The following UNC80 variants were observed in gnomAD, a reference collection of about 807,000 sequenced individuals.
The protein encoded by UNC80 is protein unc-80 homolog.
Under a neutral mutation model 384.6 loss-of-function variants are expected in UNC80, and 164 were observed. The observed-to-expected ratio is 0.43, with a 90% CI of 0.38 to 0.49. The LOEUF (loss-of-function observed/expected upper bound fraction) is 0.49, where lower values mean the gene tolerates loss of function less well. Among genes scored for constraint, UNC80 ranks in the 20% least tolerant of loss-of-function variants. The pLI is 0.00. For synonymous variants in UNC80, 1,486 were observed against 1,527.8 expected, an observed-to-expected ratio of 0.97 and a Z score of 0.64; for missense variants, 3,330 against 4,143.0, an observed-to-expected ratio of 0.80 and a Z score of 5.39.
Position 209,976,692 on chromosome 2 carries a change from A to T in UNC80, c.8773-221A>T, listed in dbSNP as rs1223066855. On this transcript the variant is annotated intron_variant, in intron 57 of 64. Coordinates refer to ENST00000673920, the MANE Select transcript of UNC80 (RefSeq NM_001371986.1). This position sits in a 1 kb window ranked among gnomAD's most constrained non-coding sequence, Gnocchi z 4.3. The stretch of plus-strand genomic sequence containing the variant: ...ACTTAACGTATGTTTTTCCTCCAAG[A>T]CCCTCGGTACCCATCTACACTTGGT... Among the ~76,000 whole-genome samples, 1 of 151,352 alleles carries T rather than the reference A, an allele frequency of 6.6e-6. No individual in the cohort carries two copies. The highest frequency in any genetic ancestry group is 1.5e-5 in the Non-Finnish European group (1 of 67,808).
chr2:209,976,095 T>C lies in UNC80; in HGVS notation c.8588-24T>C. 6.5e-7 allele frequency: 1 copy of C among 1,538,602 alleles called. No homozygotes were observed. The highest frequency in any genetic ancestry group is 1.2e-5 in the South Asian group (1 of 83,152). ...TCGGAAGCACACGTCCGCAGGCTCATTTTTCTCTTTTCCCGGTGTGAAGCG... is the reference window on the plus strand; with the variant it reads ...TCGGAAGCACACGTCCGCAGGCTCACTTTTCTCTTTTCCCGGTGTGAAGCG... On this transcript the variant is annotated intron_variant, in intron 56 of 64. Transcript: ENST00000673920. This position sits in a 1 kb window ranked among gnomAD's most constrained non-coding sequence, Gnocchi z 4.3.
chr2:209,817,012 A>G lies in UNC80; in HGVS notation c.1439A>G (p.Glu480Gly). 1 of 1,551,726 alleles carries G rather than the reference A, an allele frequency of 6.4e-7. No individual in the cohort carries two copies. The change falls in exon 10 of 65, where the codon GAG becomes GGG. Residue 480 changes from glutamate (E) to glycine (G), a missense_variant. Around this residue, in one of 8 missense-constraint regions of UNC80, gnomAD observed 937 missense variants for 1,026.8 expected, o/e 0.91. Coordinates refer to ENST00000673920, the MANE Select transcript of UNC80 (RefSeq NM_001371986.1). Reference sequence around the variant, plus strand: ...ATGGGAGTGCCCTTCCTGCTTCACGAGGACCACCTGGATGTGTCCCCCACG... The same window carrying G: ...ATGGGAGTGCCCTTCCTGCTTCACGGGGACCACCTGGATGTGTCCCCCACG... ...RRMGVPFLLHEDHLDVSPTRS... is the reference protein window; with the variant it reads ...RRMGVPFLLHGDHLDVSPTRS...
intron 22 of UNC80, among the ~76,000 whole-genome samples, chr2:209,861,560 G>C (rs1184582278): frequency 6.6e-6 from 1 of 152,138 alleles, no homozygotes; most frequent in African/African-American, 2.4e-5. Flanking sequence ...AAATGAGTTA[G>C]GGAGAAGTCC....
intron 59 of UNC80, among the ~76,000 whole-genome samples, chr2:209,980,114 C>T (rs184175418): frequency 6.6e-6 from 1 of 152,278 alleles, no homozygotes; most frequent in Admixed American, 6.5e-5. Context: ...CATGAAAATA[C>T]ACCTAAAGTT....
intron 24 of UNC80, among the ~76,000 whole-genome samples, chr2:209,878,301 G>T (rs2124891564): frequency 6.6e-6 from 1 of 152,280 alleles, no homozygotes; most frequent in East Asian, 1.9e-4. Flanking sequence ...ACAGAGAGGG[G>T]CAAGGAGCTG....
intron 7 of UNC80, 46 bp downstream of exon 7, chr2:209,793,905 A>G: frequency 1.2e-6 from 2 of 1,606,754 alleles, no homozygotes; most frequent in Non-Finnish European, 1.7e-6. Flanking sequence ...CTGGTCACCA[A>G]AAATCAAATA....
In UNC80 at chr2:209,877,312, T is replaced by G. The variant is rs58814116; in HGVS notation, c.3841-642T>G. ...GGATGTTAGTTCTAAGAATACCGTG[T>G]AAAAACCAATATTATCCACGTGCTG... On this transcript the variant is annotated intron_variant, in intron 23 of 64. Coordinates refer to ENST00000673920, the MANE Select transcript of UNC80 (RefSeq NM_001371986.1). 2.7e-3 allele frequency among the ~76,000 whole-genome samples: 417 copies of G among 152,322 alleles called. 1 individual carries two copies. The highest frequency in any genetic ancestry group is 9.6e-3 in the African/African-American group (397 of 41,558).
chr2:209,890,508 G>A (rs1397821161), intron 26 of UNC80, among the ~76,000 whole-genome samples: 1 of 152,144 alleles, frequency 6.6e-6, no homozygotes, highest in African/African-American at 2.4e-5. Context: ...AATAACAAAG[G>A]TGTCACAACT....
At chr2:209,978,896 A>G (rs531755513) in intron 59 of UNC80, among the ~76,000 whole-genome samples, 188 bp downstream of exon 59, 79 of 152,150 alleles carry the variant, frequency 5.2e-4, no homozygotes, top group Non-Finnish European at 8.5e-4. Flanking sequence ...ATTCCTTGAT[A>G]CCCTTTGGTC....
chr2:209,983,822 T>C (rs182454091), intron 60 of UNC80, among the ~76,000 whole-genome samples: 16 of 152,278 alleles, frequency 1.1e-4, no homozygotes, highest in East Asian at 5.8e-4. Context: ...ATTTTCTTGA[T>C]TTCTAGAAAT....
intron 28 of UNC80, among the ~76,000 whole-genome samples, chr2:209,902,923 G>A (rs552499973): frequency 1.3e-4 from 19 of 151,422 alleles, no homozygotes; most frequent in African/African-American, 4.1e-4. Context: ...GTGTGTGTGT[G>A]TGTGTGTGTG....
intron 28 of UNC80, among the ~76,000 whole-genome samples, chr2:209,900,043 A>G (rs767844434): frequency 6.6e-6 from 1 of 152,216 alleles, no homozygotes; most frequent in Non-Finnish European, 1.5e-5. Flanking sequence ...TCAAGGAGAA[A>G]TGTGATGTGT....
intron 56 of UNC80, among the ~76,000 whole-genome samples, chr2:209,974,632 A>G (rs1004461496): frequency 2.6e-5 from 4 of 152,228 alleles, no homozygotes; most frequent in Non-Finnish European, 5.9e-5. Flanking sequence ...CTATTACCAC[A>G]TTGAATCCTC....
chr2:209,854,713 C>T (rs2082770282), intron 22 of UNC80, among the ~76,000 whole-genome samples: 1 of 152,126 alleles, frequency 6.6e-6, no homozygotes, highest in Non-Finnish European at 1.5e-5. Flanking sequence ...CATCATTGAT[C>T]ATCAGAGAAA....
At chr2:209,854,837 C>T (rs1268498342) in intron 22 of UNC80, among the ~76,000 whole-genome samples, 2 of 152,134 alleles carry the variant, frequency 1.3e-5, no homozygotes, top group Non-Finnish European at 2.9e-5. Context: ...AATGCTTTTA[C>T]GTTGTTGGTG....
intron 40 of UNC80, among the ~76,000 whole-genome samples, chr2:209,936,127 G>A (rs1424791001): frequency 6.6e-6 from 1 of 152,034 alleles, no homozygotes; most frequent in Non-Finnish European, 1.5e-5. Context: ...CAGTAGAAAG[G>A]GACATTACTA....
intron 12 of UNC80, among the ~76,000 whole-genome samples, chr2:209,819,803 A>G (rs2080012198): frequency 6.6e-6 from 1 of 152,230 alleles, no homozygotes; most frequent in Admixed American, 6.5e-5. Flanking sequence ...AATTTACAAT[A>G]TTAAAACCAA....
At chr2:209,899,631 G>A (rs1378138248) in intron 28 of UNC80, among the ~76,000 whole-genome samples, 1 of 152,052 alleles carries the variant, frequency 6.6e-6, no homozygotes, top group African/African-American at 2.4e-5. Context: ...ACTATTTCTA[G>A]CCTGTCCTTC....
rs1411213929 is a variant in UNC80, at chr2:209,888,001, T to C, written c.4111-94T>C. On this transcript the variant is annotated intron_variant, in intron 25 of 64. Coordinates refer to ENST00000673920, the MANE Select transcript of UNC80 (RefSeq NM_001371986.1). ...AAGGAATCTGGCTGTTTAAACGCAG[T>C]TGTGTATAATTCAAAATGGTGGGAG... The C allele has an allele frequency of 1.4e-5, 17 of 1,216,936 alleles. 1 individual carries two copies. The East Asian group carries it at 4.4e-4, about 31-fold the overall frequency. 75.4% of individuals were successfully genotyped at this position (1,216,936 alleles called of 1,614,324 possible).
Sources: gnomAD v4.1 joint callset for allele counts (sites outside exome capture counted in the v4.1 genomes callset) on GRCh38, gnomAD v4.1.1 for gene constraint, gnomAD v4.1.1 regional missense constraint, Gnocchi (gnomAD v3.1) non-coding constraint, MANE v1.5 for transcripts, NCBI Gene and HGNC (gene_info 2026-07-23, HGNC 2026-07-21) for gene names.